DCDC2: variants seen among roughly 807,000 people sequenced by gnomAD.
DCDC2 encodes doublecortin domain-containing protein 2.
A neutral mutation model predicts 50.2 loss-of-function variants in DCDC2; 40 were observed. The ratio of observed to expected loss-of-function variants is 0.80; its 90% confidence interval spans 0.62 to 1.04. The LOEUF (loss-of-function observed/expected upper bound fraction) is 1.04. Among genes scored for constraint, DCDC2 ranks in the 50% least tolerant of loss-of-function variants. DCDC2 has a pLI of 0.00. For missense variants in DCDC2, 570 were observed against 581.9 expected, an observed-to-expected ratio of 0.98 and a Z score of 0.21; for synonymous variants, 234 against 210.6, an observed-to-expected ratio of 1.11 and a Z score of -0.96.
At chr6:24,263,995 G>A (rs368456458) in intron 7 of DCDC2, among the ~76,000 whole-genome samples, 1 of 152,106 alleles carries the variant, frequency 6.6e-6, no homozygotes, top group African/African-American at 2.4e-5. Context: ...CAAGAGAAAA[G>A]AAACAGCAAA....
intron 8 of DCDC2, among the ~76,000 whole-genome samples, chr6:24,193,163 G>C (rs926013292): frequency 2.6e-5 from 4 of 150,956 alleles, no homozygotes; most frequent in Admixed American, 2.6e-4. Context: ...AGTTTGATTA[G>C]AGAAAAAAAA....
chr6:24,234,230 TAAA>T (rs5874971), intron 7 of DCDC2, among the ~76,000 whole-genome samples: 1 of 141,330 alleles, frequency 7.1e-6, no homozygotes. Flanking sequence ...AAGGAGACCA[TAAA>T]AAAAAAAAAA....
chr6:24,381,866 A>AAGGAG, the DCDC2 span, among the ~76,000 whole-genome samples: 23 of 72,092 alleles, frequency 3.2e-4, no homozygotes, highest in African/African-American at 8.7e-4. Context: ...AAGGAGAAAT[A>AAGGAG]AAAGAAAGAA....
chr6:24,334,909 T>C (rs1239927590), intron 2 of DCDC2, among the ~76,000 whole-genome samples: 2 of 152,100 alleles, frequency 1.3e-5, no homozygotes, highest in Non-Finnish European at 2.9e-5. Context: ...AAACAGCACT[T>C]ATTCTCCAGA....
chr6:24,329,614 T>C lies in DCDC2; in HGVS notation c.348+23955A>G, dbSNP rs150963166. On this transcript the variant is annotated intron_variant, in intron 2 of 9. Coordinates refer to ENST00000378454, the MANE Select transcript of DCDC2 (RefSeq NM_016356.5). ...TCCAAACAGAATGGGGAATTGGAGT[T>C]AGAACCAAGCTACCCATTGCCATGA... is the stretch of plus-strand genomic sequence containing the variant. Among the ~76,000 whole-genome samples the C allele has an allele frequency of 5.9e-3, 894 of 152,326 alleles. 5 individuals carry two copies. The highest frequency in any genetic ancestry group is 0.02 in the African/African-American group (833 of 41,570).
intron 7 of DCDC2, among the ~76,000 whole-genome samples, chr6:24,234,091 G>A (rs188249280): frequency 2.4e-3 from 368 of 152,272 alleles, no homozygotes; most frequent in Non-Finnish European, 4.0e-3. Context: ...TTGTAAGGAA[G>A]CAGGAGGCCA....
At chr6:24,205,332 T>A in intron 7 of DCDC2, 1 of 1,514,586 alleles carries the variant, frequency 6.6e-7, no homozygotes, top group South Asian at 1.3e-5. Flanking sequence ...CAGGGTAAAG[T>A]TCTGTCGAAG....
chr6:24,311,580 T>C (rs1422514895), intron 2 of DCDC2, among the ~76,000 whole-genome samples: 1 of 152,250 alleles, frequency 6.6e-6, no homozygotes, highest in Admixed American at 6.5e-5. Flanking sequence ...AATTTACAGT[T>C]GTAAAACACA....
At chr6:24,215,697 G>T (rs578182344) in intron 7 of DCDC2, among the ~76,000 whole-genome samples, 3 of 152,280 alleles carry the variant, frequency 2.0e-5, no homozygotes, top group Admixed American at 2.0e-4. Context: ...GCAATGAAAT[G>T]GGAAACAAAG....
At chr6:24,353,065 A>G (rs1211616433) in intron 2 of DCDC2, among the ~76,000 whole-genome samples, 2 of 152,200 alleles carry the variant, frequency 1.3e-5, no homozygotes, top group African/African-American at 4.8e-5. Context: ...TTCACGAACT[A>G]TGCTTAACTC....
At chr6:24,369,270 A>C in the DCDC2 span, among the ~76,000 whole-genome samples, 1 of 151,952 alleles carries the variant, frequency 6.6e-6, no homozygotes, top group Non-Finnish European at 1.5e-5. Flanking sequence ...TGATATTGTT[A>C]TGTATGCATG....
In DCDC2 at chr6:24,330,504, C is replaced by T. The variant is rs538799392; in HGVS notation, c.348+23065G>A. Reference sequence around the variant, plus strand: ...AGCTTCAAAAGGAGAAGGAATTTGGCCTCTAAAACTATCAGAAAACCTTTT... The same window carrying T: ...AGCTTCAAAAGGAGAAGGAATTTGGTCTCTAAAACTATCAGAAAACCTTTT... On this transcript the variant is annotated intron_variant, in intron 2 of 9. Transcript: ENST00000378454. 7.4e-4 allele frequency among the ~76,000 whole-genome samples: 112 copies of T among 152,292 alleles called. 1 individual carries two copies. Among genetic ancestry groups the T allele is most frequent in the African/African-American group, 2.5e-3 (105 of 41,558 alleles).
intron 2 of DCDC2, among the ~76,000 whole-genome samples, chr6:24,327,792 T>C (rs957227600): frequency 2.0e-5 from 3 of 152,142 alleles, no homozygotes; most frequent in Admixed American, 6.6e-5. Flanking sequence ...AAACTTATAA[T>C]GAATTTATGG....
At chr6:24,238,699 G>A (rs1442242593) in intron 7 of DCDC2, among the ~76,000 whole-genome samples, 1 of 152,144 alleles carries the variant, frequency 6.6e-6, no homozygotes, top group Admixed American at 6.5e-5. Flanking sequence ...GTTTTCACTG[G>A]AGAAAGACCA....
At chr6:24,371,143 G>A in the DCDC2 span, among the ~76,000 whole-genome samples, 39 of 151,934 alleles carry the variant, frequency 2.6e-4, no homozygotes, top group African/African-American at 8.9e-4. Context: ...TGGGTGTGGC[G>A]GTGTGTGCCT....
intron 7 of DCDC2, among the ~76,000 whole-genome samples, chr6:24,247,254 T>C (rs1455192054): frequency 6.6e-6 from 1 of 152,178 alleles, no homozygotes; most frequent in Non-Finnish European, 1.5e-5. Flanking sequence ...GACTGAGCTA[T>C]GATCATGCTA....
intron 8 of DCDC2, among the ~76,000 whole-genome samples, chr6:24,194,269 T>G (rs1300639163): frequency 6.6e-6 from 1 of 152,140 alleles, no homozygotes; most frequent in Non-Finnish European, 1.5e-5. Context: ...AAAAATAAAT[T>G]TTAAATAAAT....
chr6:24,289,971 CTTTTTTTTTTTTTTTTTTTTTTTTT>C (rs3077132), intron 5 of DCDC2, among the ~76,000 whole-genome samples: 3 of 60,986 alleles, frequency 4.9e-5, no homozygotes, highest in Non-Finnish European at 6.8e-5. Flanking sequence ...CAGAGCTCTT[CTTTTTTTTTTTTTTTTTTTTTTTTT>C]TTTTTTTTTT....
intron 8 of DCDC2, among the ~76,000 whole-genome samples, chr6:24,185,963 T>C (rs923976783): frequency 9.9e-5 from 15 of 152,214 alleles, no homozygotes; most frequent in Non-Finnish European, 4.4e-5. Context: ...TGGGAACTTG[T>C]AGTCCATTAA....
Sources: allele counts gnomAD v4.1 joint callset (sites outside exome capture counted in the v4.1 genomes callset), GRCh38; gene constraint gnomAD v4.1.1; transcripts MANE v1.5; gene names NCBI Gene and HGNC (gene_info 2026-07-23, HGNC 2026-07-21).